Variants in ARMC3 observed in about 807,000 individuals in gnomAD.
ARMC3 encodes the protein armadillo repeat-containing protein 3.
ARMC3 carries 74 observed loss-of-function variants against 90.3 expected under a neutral mutation model. The ratio of observed to expected loss-of-function variants is 0.82; its 90% CI spans 0.68 to 0.99. The LOEUF is 0.99. Ranked by LOEUF, ARMC3 falls within the 50% of genes least tolerant of loss-of-function variation. The pLI, the probability that ARMC3 is intolerant of heterozygous loss-of-function variation, is 0.00. For synonymous variants in ARMC3, 334 were observed against 361.8 expected (o/e 0.92, Z 0.87); for missense variants, 958 against 1,042.8 (o/e 0.92, Z 1.12).
At chr10:23,035,047 C>A (rs773106550) in intron 18 of ARMC3, among the ~76,000 whole-genome samples, 6 of 152,250 alleles carry the variant, frequency 3.9e-5, no homozygotes, top group Middle Eastern at 3.4e-3. Context: ...TTATTTATTT[C>A]TCATAGTTCT....
At position 22,968,509 on chromosome 10, in the gene ARMC3, ATTTAT is replaced by A; in HGVS notation, c.916+24_916+28del. On this transcript the variant is annotated intron_variant, in intron 8 of 18. Coordinates refer to ENST00000298032, the MANE Select transcript of ARMC3 (RefSeq NM_173081.5). ...ATGATCGTATGTCTCATTTTATTTT[ATTTAT>A]TTTGAGATAGGATCTTGCTCTGTTT... The A allele has an allele frequency of 1.3e-6, 2 of 1,538,384 alleles. No individual in the cohort carries two copies. Among genetic ancestry groups the A allele is most frequent in the Admixed American group, 2.1e-5 (1 of 48,164 alleles).
chr10:22,965,209 G>A (rs183107181), intron 7 of ARMC3, among the ~76,000 whole-genome samples: 310 of 152,254 alleles, frequency 2.0e-3, no homozygotes, highest in African/African-American at 7.2e-3. Flanking sequence ...CCTTCAACCT[G>A]AAGAACCTCA....
chr10:23,019,985 T>G (rs1277287152), intron 16 of ARMC3, among the ~76,000 whole-genome samples: 1 of 152,230 alleles, frequency 6.6e-6, no homozygotes, highest in East Asian at 1.9e-4. Context: ...TTTTGGAGTA[T>G]TATTTCACTG....
chr10:23,008,693 A>ATATAATGAAGTAAAAATTG, intron 15 of ARMC3, 122 bp from the exon 16 acceptor site: 5 of 817,636 alleles, frequency 6.1e-6, no homozygotes, highest in African/African-American at 1.7e-5. Flanking sequence ...GAATCAAGTT[A>ATATAATGAAGTAAAAATTG]TATAATGAAG....
At position 22,998,203 on chromosome 10, in the gene ARMC3, C is replaced by G. The variant is rs143785271; in HGVS notation, c.1231C>G (p.Arg411Gly). ...ATTAATAAACCTCCTGTCTAGTAAACGAGATGGAGCCATTGCCAACGCTGC... is the reference window on the plus strand; with the variant it reads ...ATTAATAAACCTCCTGTCTAGTAAAGGAGATGGAGCCATTGCCAACGCTGC... ...DPLINLLSSKRDGAIANAATV... is the reference protein window; with the variant it reads ...DPLINLLSSKGDGAIANAATV... The change falls in exon 11 of 19, where the codon CGA (arginine) becomes GGA (glycine). Residue 411 changes from arginine to glycine, a missense_variant. Transcript: ENST00000298032. 15 of 1,613,568 alleles carry G rather than the reference C, an allele frequency of 9.3e-6. No homozygotes were observed. Among genetic ancestry groups the G allele is most frequent in the Non-Finnish European group, 1.2e-5 (14 of 1,179,810 alleles).
intron 6 of ARMC3, 132 bp downstream of exon 6, chr10:22,959,706 C>A (rs1835111485): frequency 4.6e-6 from 4 of 867,938 alleles, no homozygotes; most frequent in Admixed American, 6.1e-5. Flanking sequence ...TGGTATTTAT[C>A]ATTCAGAGAA....
At chr10:22,994,826 A>C (rs1204019729) in intron 10 of ARMC3, among the ~76,000 whole-genome samples, 5 of 152,192 alleles carry the variant, frequency 3.3e-5, no homozygotes, top group Non-Finnish European at 7.3e-5. Flanking sequence ...TTGCTAATAG[A>C]TTGACGTCAC....
chr10:22,971,832 A>G (rs1455499895), intron 8 of ARMC3, among the ~76,000 whole-genome samples: 4 of 151,988 alleles, frequency 2.6e-5, no homozygotes, highest in East Asian at 3.9e-4. Context: ...AAGAGTTCCA[A>G]TTTCTCCACA....
intron 13 of ARMC3, among the ~76,000 whole-genome samples, chr10:23,005,172 C>A (rs1202528301): frequency 7.1e-6 from 1 of 140,882 alleles, no homozygotes. Context: ...GAGATCATAC[C>A]ACTGCACTCC....
At chr10:22,970,449 T>C (rs1015408543) in intron 8 of ARMC3, among the ~76,000 whole-genome samples, 1 of 152,082 alleles carries the variant, frequency 6.6e-6, no homozygotes, top group African/African-American at 2.4e-5. Flanking sequence ...GTTAAGGATT[T>C]TGGACTTTAT....
At chr10:23,033,072 C>T in intron 18 of ARMC3, 49 bp downstream of exon 18, 4 of 1,578,020 alleles carry the variant, frequency 2.5e-6, no homozygotes, top group Non-Finnish European at 3.5e-6. Context: ...AATGCTTTGT[C>T]TTTATCATAC....
intron 18 of ARMC3, among the ~76,000 whole-genome samples, chr10:23,033,826 T>G (rs896692357): frequency 6.6e-6 from 1 of 151,886 alleles, no homozygotes; most frequent in South Asian, 2.1e-4. Flanking sequence ...TGCGAGAGAG[T>G]ACATGAGAAG....
At chr10:22,937,007 A>G (rs1834136331) in intron 2 of ARMC3, among the ~76,000 whole-genome samples, 1 of 151,968 alleles carries the variant, frequency 6.6e-6, no homozygotes, top group Admixed American at 6.6e-5. Flanking sequence ...AGCTCAACTG[A>G]TCCTCCCTAC....
chr10:22,939,508 G>A (rs775126507), intron 2 of ARMC3, among the ~76,000 whole-genome samples: 14 of 152,168 alleles, frequency 9.2e-5, no homozygotes, highest in East Asian at 1.9e-4. Context: ...AAAGTCATGC[G>A]TTAATAGTCG....
At chr10:22,941,438 T>C (rs1834324619) in intron 2 of ARMC3, among the ~76,000 whole-genome samples, 4 of 152,140 alleles carry the variant, frequency 2.6e-5, no homozygotes, top group African/African-American at 9.7e-5. Context: ...AGGGAGGAGT[T>C]GACTACTCAT....
rs1254741345 is a variant in ARMC3, at chr10:22,976,069, TAATGCAGTATTGC to T, written c.917-5268_917-5256del. Among the ~76,000 whole-genome samples the T allele has an allele frequency of 3.9e-5, 6 of 152,316 alleles. No individual in the cohort carries two copies. The East Asian group carries it at 9.6e-4, about 24-fold the overall frequency. On this transcript the variant is annotated intron_variant, in intron 8 of 18. Transcript: ENST00000298032. ...TGTGGATGAGGAGGAGACTTTCCCA[TAATGCAGTATTGC>T]AACGCCAGAGTTCGATTCTCCTGAT...
intron 18 of ARMC3, 138 bp downstream of exon 18, chr10:23,033,161 G>A: frequency 9.0e-6 from 7 of 773,880 alleles, no homozygotes; most frequent in African/African-American, 1.8e-5. Context: ...ACATATAAGT[G>A]TATATATACT....
intron 3 of ARMC3, chr10:22,955,115 A>G (rs1834877676): frequency 6.6e-6 from 1 of 152,224 alleles, no homozygotes; most frequent in Non-Finnish European, 1.5e-5. Flanking sequence ...CAGATTGGAT[A>G]TTGCCCACTC....
chr10:22,962,902 G>A (rs187694446), intron 7 of ARMC3, among the ~76,000 whole-genome samples: 3 of 152,246 alleles, frequency 2.0e-5, no homozygotes, highest in Admixed American at 1.3e-4. Context: ...GGACCTACCC[G>A]CCTTTGATTT....
Sources: gnomAD v4.1 joint callset for allele counts (sites outside exome capture counted in the v4.1 genomes callset) on GRCh38, gnomAD v4.1.1 for gene constraint, MANE v1.5 for transcripts, NCBI Gene and HGNC (gene_info 2026-07-23, HGNC 2026-07-21) for gene names.